Variants in CHAF1A observed in about 807,000 individuals in gnomAD.
CHAF1A encodes chromatin assembly factor 1 subunit A, also known as CAF-1 subunit A.
Under a neutral mutation model 93.2 loss-of-function variants are expected in CHAF1A, and 5 were observed. The ratio of observed to expected loss-of-function variants is 0.05; its 90% CI spans 0.03 to 0.11. The LOEUF is 0.11. CHAF1A is among the 10% of genes least tolerant of loss of function. CHAF1A has a pLI of 1.00. For missense variants in CHAF1A, 1,102 were observed against 1,259.9 expected, an observed-to-expected ratio of 0.87 and a Z score of 1.90; for synonymous variants, 504 against 510.3, an observed-to-expected ratio of 0.99 and a Z score of 0.17.
intron 14 of CHAF1A, 22 bp from the exon 15 acceptor site, chr19:4,442,903 C>A (rs374479468): frequency 2.0e-6 from 3 of 1,534,830 alleles, no homozygotes; most frequent in Non-Finnish European, 2.6e-6. Flanking sequence ...CAGCTCAAGA[C>A]CCTCCCTCTC....
Position 4,405,112 on chromosome 19 carries a change from T to C in CHAF1A, c.53-800T>C, listed in dbSNP as rs550034696. On this transcript the variant is annotated intron_variant, in intron 1 of 14. Transcript: ENST00000301280. Reference sequence around the variant, plus strand: ...CCTACTTTTACTCATTCCACTTTCATTTCATGAAACAGTTCCGGTTACTCT... The same window carrying C: ...CCTACTTTTACTCATTCCACTTTCACTTCATGAAACAGTTCCGGTTACTCT... 9.2e-5 allele frequency among the ~76,000 whole-genome samples: 14 copies of C among 152,310 alleles called. No individual in the cohort carries two copies. The South Asian group carries it at 2.5e-3, about 27-fold the overall frequency.
chr19:4,449,229 A>G (rs1402736201), downstream of CHAF1A: 1 of 152,438 alleles, frequency 6.6e-6, no homozygotes, highest in Non-Finnish European at 1.5e-5. Flanking sequence ...CAGGGCTGCC[A>G]CCCGCACCTC....
At chr19:4,421,555 T>C (rs1436514594) in intron 4 of CHAF1A, among the ~76,000 whole-genome samples, 1 of 151,980 alleles carries the variant, frequency 6.6e-6, no homozygotes, top group East Asian at 1.9e-4. Flanking sequence ...GGCAGAAGGA[T>C]TGTTTGAGGC....
downstream of CHAF1A, chr19:4,445,689 C>A: frequency 1.3e-6 from 2 of 1,576,158 alleles, no homozygotes; most frequent in South Asian, 1.1e-5. Context: ...GGGAACTCAG[C>A]GGGCAACCTG....
intron 13 of CHAF1A, among the ~76,000 whole-genome samples, chr19:4,439,412 A>C (rs993802458): frequency 6.6e-6 from 1 of 152,204 alleles, no homozygotes; most frequent in Non-Finnish European, 1.5e-5. Context: ...TAGCACTTGC[A>C]GTGCTGCTGG....
At chr19:4,408,461 C>CTTTTTTTTTTTT (rs778100682) in intron 2 of CHAF1A, among the ~76,000 whole-genome samples, 622 of 36,014 alleles carry the variant, frequency 0.017, 195 homozygotes, top group African/African-American at 0.031. Flanking sequence ...CGCACCCGGC[C>CTTTTTTTTTTTT]TTTTTTTTTT....
chr19:4,433,062 C>G lies in CHAF1A; in HGVS notation c.2204-8C>G. 2 of 1,542,984 alleles carry G rather than the reference C, an allele frequency of 1.3e-6. No homozygotes were observed. The highest frequency in any genetic ancestry group is 1.8e-6 in the Non-Finnish European group (2 of 1,138,274). ...AGCCTCATGCCCACCCATGTTCCCT[C>G]CTGCCAGTCCTGGCCCAGCTGCTGC... On this transcript the variant is annotated splice_region_variant and splice_polypyrimidine_tract_variant and intron_variant, in intron 12 of 14. Transcript: ENST00000301280. This position sits in a 1 kb window ranked among gnomAD's most constrained non-coding sequence, Gnocchi z 5.6.
At chr19:4,447,584 T>C, downstream of CHAF1A, 1 of 1,613,810 alleles carries the variant, frequency 6.2e-7, no homozygotes, top group Non-Finnish European at 8.5e-7. Flanking sequence ...GATCTTCCGG[T>C]ACTTCTCCTC....
chr19:4,414,472 TATC>T (rs1245107925), intron 3 of CHAF1A, among the ~76,000 whole-genome samples: 1 of 152,128 alleles, frequency 6.6e-6, no homozygotes, highest in Non-Finnish European at 1.5e-5. Flanking sequence ...TTGCCATTAT[TATC>T]ATCATCATCA....
chr19:4,410,924 A>G (rs1290377923), intron 3 of CHAF1A, among the ~76,000 whole-genome samples: 4 of 152,182 alleles, frequency 2.6e-5, no homozygotes, highest in African/African-American at 4.8e-5. Flanking sequence ...TATTAGCACA[A>G]TGGTGTCCTT....
At chr19:4,445,497 T>C (rs1974487762), downstream of CHAF1A, 1 of 1,613,622 alleles carries the variant, frequency 6.2e-7, no homozygotes, top group Non-Finnish European at 8.5e-7. Context: ...CTGCTTTTAT[T>C]TCACAAGAGC....
chr19:4,448,375 A>C, downstream of CHAF1A: 1 of 1,610,630 alleles, frequency 6.2e-7, no homozygotes, highest in South Asian at 1.1e-5. Context: ...GAACGTGTAG[A>C]TCTTCATGAT....
downstream of CHAF1A, chr19:4,445,600 G>A (rs906429865): frequency 5.6e-6 from 9 of 1,613,506 alleles, no homozygotes; most frequent in Admixed American, 1.7e-5. Flanking sequence ...TGTCCCACGA[G>A]AAGGTCAGGA....
At chr19:4,403,930 C>T (rs1973634255) in intron 1 of CHAF1A, among the ~76,000 whole-genome samples, 1 of 152,246 alleles carries the variant, frequency 6.6e-6, no homozygotes, top group South Asian at 2.1e-4. Context: ...AGCGATTCTT[C>T]TGCCTCAGCC....
Position 4,432,189 on chromosome 19 carries a change from G to A in CHAF1A, c.2185G>A (p.Glu729Lys). 1 of 1,608,516 alleles carries A rather than the reference G, an allele frequency of 6.2e-7. No homozygotes were observed. The highest frequency in any genetic ancestry group is 1.1e-5 in the South Asian group (1 of 90,902). The change falls in exon 12 of 15, where the codon GAG (glutamate) becomes AAG (lysine). Residue 729 changes from glutamate to lysine, a missense_variant. Around this residue, in one of 6 missense-constraint regions of CHAF1A, gnomAD observed 335 missense variants for 361.9 expected, o/e 0.93. Transcript: ENST00000301280. ...EEQTPKASKR[E>K]RRDEQILAQL... ...GCAGACGCCCAAGGCCTCCAAGCGG[G>A]AGAGGAGAGACGAGCAGAGTGAGTG... is the stretch of plus-strand genomic sequence containing the variant.
chr19:4,446,806 T>TC, downstream of CHAF1A: 1 of 1,613,818 alleles, frequency 6.2e-7, no homozygotes, highest in Admixed American at 1.7e-5. Flanking sequence ...TCGTCCCCAT[T>TC]CCCTACTCAG....
At chr19:4,446,253 C>A (rs768918852), downstream of CHAF1A, 2 of 1,568,504 alleles carry the variant, frequency 1.3e-6, no homozygotes, top group South Asian at 1.1e-5. Flanking sequence ...CCAACCCGAG[C>A]CGCCCTCCAC....
At chr19:4,423,275 T>C (rs755919612) in intron 5 of CHAF1A, 60 bp from the exon 6 acceptor site, 36 of 1,610,894 alleles carry the variant, frequency 2.2e-5, no homozygotes, top group Non-Finnish European at 3.1e-5. Context: ...AGTTGAGTGC[T>C]GCGGTCCCTT....
intron 3 of CHAF1A, among the ~76,000 whole-genome samples, chr19:4,411,206 C>T (rs1973791244): frequency 2.0e-5 from 3 of 152,074 alleles, no homozygotes; most frequent in Admixed American, 6.6e-5. Flanking sequence ...TGTTCGCTTT[C>T]GGGATTTTGA....
Sources: allele counts gnomAD v4.1 joint callset (sites outside exome capture counted in the v4.1 genomes callset), GRCh38; gene constraint gnomAD v4.1.1; regional missense constraint gnomAD v4.1.1; non-coding constraint Gnocchi (gnomAD v3.1); transcripts MANE v1.5; gene names NCBI Gene and HGNC (gene_info 2026-07-23, HGNC 2026-07-21).